The following NPC1 variants were observed in gnomAD, a reference collection of about 807,000 sequenced individuals.
NPC1 encodes the protein NPC intracellular cholesterol transporter 1.
A neutral mutation model predicts 140.4 loss-of-function variants in NPC1; 85 were observed. The ratio of observed to expected loss-of-function variants is 0.61; its 90% CI spans 0.51 to 0.72. The LOEUF (loss-of-function observed/expected upper bound fraction) is 0.72. NPC1 is among the 30% of genes least tolerant of loss of function. The pLI is 0.00. For missense variants in NPC1, 1,504 were observed against 1,623.8 expected (o/e 0.93, Z 1.27); for synonymous variants, 656 against 624.8 (o/e 1.05, Z -0.74).
intron 6 of NPC1, among the ~76,000 whole-genome samples, chr18:23,559,492 CT>C (rs57612444): frequency 8.2e-4 from 67 of 81,464 alleles, no homozygotes; most frequent in South Asian, 1.7e-3. Context: ...TTGACTCTGA[CT>C]TTTTTTTTTT....
At position 23,507,395 on chromosome 18, in the gene NPC1, T is replaced by C. The variant is rs192035312; in HGVS notation, c.432-753A>G. ...TCGCCTCAGTCTCCCTTAAAAATTGTTAAAAAATAATTTGGAACTTCATGT... is the reference window on the plus strand; with the variant it reads ...TCGCCTCAGTCTCCCTTAAAAATTGCTAAAAAATAATTTGGAACTTCATGT... On this transcript the variant is annotated intron_variant, in intron 3 of 3. Coordinates refer to the NPC1 transcript ENST00000591107. Among the ~76,000 whole-genome samples the C allele has an allele frequency of 9.7e-4, 147 of 152,220 alleles. 1 individual carries two copies. Among genetic ancestry groups the C allele is most frequent in the African/African-American group, 3.4e-3 (139 of 41,484 alleles).
intron 20 of NPC1, among the ~76,000 whole-genome samples, chr18:23,538,215 C>T (rs559725533): frequency 2.0e-5 from 3 of 152,338 alleles, no homozygotes; most frequent in South Asian, 2.1e-4. Context: ...CAAGTTCCTT[C>T]AGGCCTGGAT....
At position 23,540,953 on chromosome 18, in the gene NPC1, T is replaced by A. The variant is rs371570182; in HGVS notation, c.2514+115A>T. 8.5e-4 allele frequency: 1,063 copies of A among 1,244,424 alleles called. 15 individuals carry two copies. The South Asian group carries it at 8.6e-3, about 10-fold the overall frequency. 77.1% of individuals were successfully genotyped at this position (1,244,424 alleles called of 1,614,324 possible). ...TCCACATTTGCTTTTGCTTTTTTTT[T>A]AGATACATTTTAACAGCTTTAAGAA... On this transcript the variant is annotated intron_variant, in intron 16 of 24. Transcript: ENST00000269228.
In NPC1 at chr18:23,532,219, G is replaced by T; in HGVS notation, c.3820C>A (p.Arg1274=). Residue 1274 remains arginine (R), a synonymous_variant, in exon 25 of 25, where the codon CGG becomes AGG. Transcript: ENST00000269228. The part of the protein sequence containing the change: ...EERYKGTERE[R]LLNF Reference sequence around the variant, plus strand: ...CGAGAGGGCTAGAAATTTAGAAGCCGTTCGCGCTCTGTTCCTTTGTATCGC... The same window carrying T: ...CGAGAGGGCTAGAAATTTAGAAGCCTTTCGCGCTCTGTTCCTTTGTATCGC... The T allele has an allele frequency of 6.2e-7, 1 of 1,614,148 alleles. No individual in the cohort carries two copies. The highest frequency in any genetic ancestry group is 8.5e-7 in the Non-Finnish European group (1 of 1,180,036).
intron 16 of NPC1, among the ~76,000 whole-genome samples, 199 bp downstream of exon 16, chr18:23,540,869 T>G (rs1652384): frequency 1.4e-4 from 22 of 152,226 alleles, no homozygotes; most frequent in African/African-American, 4.6e-4. Flanking sequence ...ATAAAAAACT[T>G]AAAACTCTTG....
chr18:23,542,738 A>G (rs1035630117), intron 14 of NPC1, among the ~76,000 whole-genome samples: 7 of 152,230 alleles, frequency 4.6e-5, no homozygotes, highest in African/African-American at 1.4e-4. Context: ...ACAACGGCAA[A>G]CATCTTGTAA....
chr18:23,516,118 C>A, intron 3 of NPC1: 1 of 1,432,208 alleles, frequency 7.0e-7, no homozygotes, highest in Non-Finnish European at 9.6e-7. Flanking sequence ...CCGCTCTGAC[C>A]ACTAGAGGGC....
chr18:23,543,287 C>G (rs994236629), intron 14 of NPC1, among the ~76,000 whole-genome samples, 168 bp downstream of exon 14: 1 of 149,910 alleles, frequency 6.7e-6, no homozygotes, highest in Non-Finnish European at 1.5e-5. Context: ...CGAGATTGCA[C>G]CACTGCACTC....
At chr18:23,546,248 CAAAAAAAAA>C (rs60021403) in intron 11 of NPC1, among the ~76,000 whole-genome samples, 33 of 45,578 alleles carry the variant, frequency 7.2e-4, no homozygotes, top group African/African-American at 2.7e-3. Flanking sequence ...GACTCTGTCT[CAAAAAAAAA>C]AAAAAAAAAA....
rs753744279 is a variant in NPC1 at position 23,561,394 on chromosome 18, T to C, written c.597A>G (p.Gly199=). ...WIEYMFNKDN[G]QAPFTITPVF... ...CAGGAGTGATGGTAAAAGGTGCCTG[T>C]CCATTGTCCTTATTGAACATGTATT... The change falls in exon 5 of 25, where the codon GGA becomes GGG. Residue 199 remains glycine, a synonymous_variant. Coordinates refer to ENST00000269228, the MANE Select transcript of NPC1 (RefSeq NM_000271.5). The C allele has an allele frequency of 1.2e-6, 2 of 1,614,226 alleles. No individual in the cohort carries two copies. The highest frequency in any genetic ancestry group is 4.5e-5 in the East Asian group (2 of 44,892).
At chr18:23,540,944 C>CA in intron 16 of NPC1, 124 bp downstream of exon 16, 3 of 1,161,550 alleles carry the variant, frequency 2.6e-6, no homozygotes, top group Non-Finnish European at 3.8e-6. Context: ...TTTGCTTTTG[C>CA]TTTTTTTTTA....
chr18:23,548,670 T>C (rs2058824079), intron 10 of NPC1, among the ~76,000 whole-genome samples: 1 of 151,986 alleles, frequency 6.6e-6, no homozygotes, highest in South Asian at 2.1e-4. Context: ...CTTTAGCCAA[T>C]CCCCCCCAAC....
chr18:23,568,087 A>C (rs1276506720), intron 4 of NPC1, among the ~76,000 whole-genome samples: 1 of 152,184 alleles, frequency 6.6e-6, no homozygotes. Flanking sequence ...GTAAAAATTA[A>C]AATTAGATAA....
rs371122321 is a variant in NPC1 at position 23,544,537 on chromosome 18, C to T, written c.1948-11G>A. ...GACCTTCGAATCCACCTGAGAGAGG[C>T]GACAGACACAATCACCAATTAGTTA... On this transcript the variant is annotated splice_polypyrimidine_tract_variant and intron_variant, in intron 12 of 24. Transcript: ENST00000269228. 2.4e-4 allele frequency: 387 copies of T among 1,613,754 alleles called. 2 individuals carry two copies. The highest frequency in any genetic ancestry group is 2.8e-4 in the Non-Finnish European group (335 of 1,179,728).
Position 23,539,439 on chromosome 18 carries a change from T to C in NPC1, c.2827A>G (p.Ile943Val). The C allele has an allele frequency of 6.2e-6, 10 of 1,613,634 alleles. No homozygotes were observed. The highest frequency in any genetic ancestry group is 7.6e-6 in the Non-Finnish European group (9 of 1,179,814). The change falls in exon 19 of 25, where the codon ATC becomes GTC. Residue 943 changes from isoleucine (I) to valine (V), a missense_variant. Transcript: ENST00000269228. ...TRIGFAPSSW[I>V]DDYFDWVKPQ... is the part of the protein sequence containing the mutation. ...TTCACCCAGTCGAAATAATCGTCGA[T>C]CCAGGACGAGGGGGCGAAGCCTATT...
At chr18:23,539,122 C>T (rs1371616378) in intron 19 of NPC1, among the ~76,000 whole-genome samples, 2 of 152,138 alleles carry the variant, frequency 1.3e-5, no homozygotes, top group Non-Finnish European at 2.9e-5. Context: ...TATGTGGAAA[C>T]CACACTCCGA....
At position 23,586,398 on chromosome 18, in the gene NPC1, C is replaced by A. The variant is rs2059419762; in HGVS notation, c.-55G>T. ...GCGGCGTTCGGCTGGTTGGGCTCCC[C>A]GGAGGCGGCTCTACTTCCCCGGGCT... On this transcript the variant is annotated 5_prime_UTR_variant, in exon 1 of 25. Transcript: ENST00000269228. 2 of 1,529,156 alleles carry A rather than the reference C, an allele frequency of 1.3e-6. No homozygotes were observed. The highest frequency in any genetic ancestry group is 1.2e-5 in the South Asian group (1 of 83,394). The allele number at this position is 1,529,156 out of a possible 1,614,324, so 94.7% of individuals were successfully genotyped here. A position where few individuals can be genotyped will look rare whatever the true frequency, so the allele number is the denominator to read the frequency against.
chr18:23,532,357 G>A (rs1048781681), intron 24 of NPC1, 73 bp from the exon 25 acceptor site: 11 of 1,534,858 alleles, frequency 7.2e-6, no homozygotes, highest in Non-Finnish European at 9.9e-6. Context: ...AGTGGCTCAC[G>A]CCTGTAATCC....
chr18:23,571,669 TAAAG>T (rs2059206049), intron 3 of NPC1, among the ~76,000 whole-genome samples: 9 of 131,766 alleles, frequency 6.8e-5, no homozygotes, highest in African/African-American at 2.3e-4. Context: ...AAAAAAAAAA[TAAAG>T]AAAAACATAA....
Sources: gnomAD v4.1 joint callset for allele counts (sites outside exome capture counted in the v4.1 genomes callset) on GRCh38, gnomAD v4.1.1 for gene constraint, MANE v1.5 for transcripts, NCBI Gene and HGNC (gene_info 2026-07-23, HGNC 2026-07-21) for gene names.